The following BTBD9 variants were observed in gnomAD, a reference collection of about 807,000 sequenced individuals.
BTBD9 encodes the protein BTB/POZ domain-containing protein 9.
In BTBD9, 49 loss-of-function variants were observed where a neutral mutation model predicts 64.3. That is an observed-to-expected ratio of 0.76 (90% CI 0.61 to 0.97). The LOEUF (loss-of-function observed/expected upper bound fraction) is 0.97. BTBD9 is among the 50% of genes least tolerant of loss of function. The pLI, the probability that BTBD9 is intolerant of heterozygous loss-of-function variation, is 0.00. For synonymous variants in BTBD9, 260 were observed against 274.7 expected, an observed-to-expected ratio of 0.95 and a Z score of 0.53; for missense variants, 598 against 762.1, an observed-to-expected ratio of 0.78 and a Z score of 2.53.
intron 6 of BTBD9, among the ~76,000 whole-genome samples, chr6:38,352,916 T>C (rs1485591286): frequency 6.6e-6 from 1 of 152,238 alleles, no homozygotes; most frequent in East Asian, 1.9e-4. Context: ...GACTGAATAA[T>C]ACAGATAAAA....
At chr6:38,346,806 G>A (rs2127590777) in intron 6 of BTBD9, among the ~76,000 whole-genome samples, 1 of 152,296 alleles carries the variant, frequency 6.6e-6, no homozygotes, top group Middle Eastern at 3.4e-3. Flanking sequence ...AACTCAACCA[G>A]CATAGCATTT....
intron 7 of BTBD9, among the ~76,000 whole-genome samples, chr6:38,317,778 G>C (rs1763077277): frequency 6.6e-6 from 1 of 152,046 alleles, no homozygotes; most frequent in Admixed American, 6.6e-5. Context: ...AGTTCTGCTA[G>C]TAAGAGACTC....
chr6:38,378,766 C>T (rs1281520417), intron 6 of BTBD9, among the ~76,000 whole-genome samples: 1 of 150,190 alleles, frequency 6.7e-6, no homozygotes, highest in South Asian at 2.1e-4. Context: ...CTCAGCTACT[C>T]GGGAGGCTGA....
intron 6 of BTBD9, among the ~76,000 whole-genome samples, chr6:38,470,263 G>A (rs1582482643): frequency 6.6e-6 from 1 of 152,200 alleles, no homozygotes; most frequent in East Asian, 1.9e-4. Context: ...AAATAACCAA[G>A]TGGAGAACCT....
At chr6:38,495,803 AT>A (rs1771931537) in intron 6 of BTBD9, among the ~76,000 whole-genome samples, 3 of 152,072 alleles carry the variant, frequency 2.0e-5, no homozygotes, top group Non-Finnish European at 4.4e-5. Context: ...AGGAGGTGCA[AT>A]AACAGCCCCG....
intron 9 of BTBD9, among the ~76,000 whole-genome samples, chr6:38,227,965 A>C (rs1763456665): frequency 6.6e-6 from 1 of 152,136 alleles, no homozygotes; most frequent in African/African-American, 2.4e-5. Flanking sequence ...GGTACTGGAG[A>C]GTTGGGGAGT....
chr6:38,588,005 C>A, intron 4 of BTBD9: 1 of 741,512 alleles, frequency 1.3e-6, no homozygotes, highest in Non-Finnish European at 2.5e-6. Context: ...AGGAGTTCAG[C>A]CACAGCAACC....
At chr6:38,568,916 T>G (rs1021304316) in intron 6 of BTBD9, among the ~76,000 whole-genome samples, 2 of 152,180 alleles carry the variant, frequency 1.3e-5, no homozygotes, top group Non-Finnish European at 2.9e-5. Flanking sequence ...AAGTAACTCC[T>G]AGATACCTTA....
Position 38,600,731 on chromosome 6 carries a change from A to C in BTBD9, c.-27-2610T>G, listed in dbSNP as rs2127499948. 2.6e-5 allele frequency among the ~76,000 whole-genome samples: 4 copies of C among 152,302 alleles called. 1 individual carries two copies. The highest frequency in any genetic ancestry group is 2.6e-4 in the Admixed American group (4 of 15,292). Reference sequence around the variant, plus strand: ...ACTTACTAAATGACTCTTGATGAACAACGATTGATTTTTGGTTAACCAGCT... The same window carrying C: ...ACTTACTAAATGACTCTTGATGAACCACGATTGATTTTTGGTTAACCAGCT... On this transcript the variant is annotated intron_variant, in intron 1 of 10. Transcript: ENST00000481247.
chr6:38,474,070 T>C (rs1347180009), intron 6 of BTBD9, among the ~76,000 whole-genome samples: 1 of 152,094 alleles, frequency 6.6e-6, no homozygotes, highest in Admixed American at 6.5e-5. Context: ...TATTAAGAAG[T>C]TGGGTTTTAT....
intron 1 of BTBD9, among the ~76,000 whole-genome samples, chr6:38,602,206 T>C (rs1000597619): frequency 3.9e-5 from 6 of 152,138 alleles, no homozygotes; most frequent in Non-Finnish European, 7.4e-5. Context: ...ATAAAAGGTA[T>C]TGGCTAGCCA....
chr6:38,496,745 A>T (rs1771980171), intron 6 of BTBD9, among the ~76,000 whole-genome samples: 1 of 152,194 alleles, frequency 6.6e-6, no homozygotes, highest in Non-Finnish European at 1.5e-5. Context: ...GGACAATTTT[A>T]AAAATTCGGG....
intron 8 of BTBD9, among the ~76,000 whole-genome samples, chr6:38,273,985 C>T (rs2127545760): frequency 6.6e-6 from 1 of 152,342 alleles, no homozygotes; most frequent in African/African-American, 2.4e-5. Context: ...GCTCTGAGTG[C>T]TGCAAACAGA....
chr6:38,307,238 C>T (rs1236358520), intron 7 of BTBD9, among the ~76,000 whole-genome samples: 1 of 152,196 alleles, frequency 6.6e-6, no homozygotes, highest in East Asian at 1.9e-4. Flanking sequence ...TCTGTCTTAA[C>T]AGCTGTAAAA....
intron 6 of BTBD9, among the ~76,000 whole-genome samples, chr6:38,419,801 T>C (rs957116478): frequency 6.6e-6 from 1 of 152,038 alleles, no homozygotes; most frequent in Admixed American, 6.6e-5. Flanking sequence ...ACTCGGGAGA[T>C]AGAGGTTGCG....
At chr6:38,217,318 C>CAAAAAAAAAAAAAAAAA (rs3047754) in intron 9 of BTBD9, among the ~76,000 whole-genome samples, 1 of 69,254 alleles carries the variant, frequency 1.4e-5, no homozygotes, top group Non-Finnish European at 2.6e-5. Flanking sequence ...GACTCCATCT[C>CAAAAAAAAAAAAAAAAA]AAAAAAAAAA....
intron 9 of BTBD9, among the ~76,000 whole-genome samples, chr6:38,221,527 G>C (rs1385887676): frequency 1.3e-5 from 2 of 152,160 alleles, no homozygotes; most frequent in Non-Finnish European, 2.9e-5. Flanking sequence ...TGCCTGAGGA[G>C]TGCCGCCCGT....
chr6:38,365,502 G>A (rs1253357839), intron 6 of BTBD9, among the ~76,000 whole-genome samples: 1 of 152,174 alleles, frequency 6.6e-6, no homozygotes, highest in Admixed American at 6.5e-5. Flanking sequence ...AACACTTTGG[G>A]AGGCCAAGGA....
intron 9 of BTBD9, among the ~76,000 whole-genome samples, chr6:38,214,510 C>T (rs1762942214): frequency 6.6e-6 from 1 of 152,204 alleles, no homozygotes. Flanking sequence ...GGGGGATCAG[C>T]TGGGCACTGA....
Sources: allele counts gnomAD v4.1 joint callset (sites outside exome capture counted in the v4.1 genomes callset), GRCh38; gene constraint gnomAD v4.1.1; transcripts MANE v1.5; gene names NCBI Gene and HGNC (gene_info 2026-07-23, HGNC 2026-07-21).